Variants in TGFBR1 observed in about 807,000 individuals in gnomAD.
The protein encoded by TGFBR1 is transforming growth factor beta receptor 1, also known as TGF-beta receptor type-1.
TGFBR1 carries 20 observed loss-of-function variants against 55.1 expected under a neutral mutation model. The ratio of observed to expected loss-of-function variants is 0.36; its 90% CI spans 0.26 to 0.53. TGFBR1 has a LOEUF of 0.53. TGFBR1 is among the 20% of genes least tolerant of loss of function. The pLI, the probability that TGFBR1 is intolerant of heterozygous loss-of-function variation, is 0.91. For missense variants in TGFBR1, 385 were observed against 617.6 expected, an observed-to-expected ratio of 0.62 and a Z score of 3.99; for synonymous variants, 220 against 214.8, an observed-to-expected ratio of 1.02 and a Z score of -0.21.
chr9:99,107,900 G>C (rs1826459474), intron 1 of TGFBR1, among the ~76,000 whole-genome samples: 1 of 152,180 alleles, frequency 6.6e-6, no homozygotes, highest in South Asian at 2.1e-4. Flanking sequence ...TCTCAGCCCT[G>C]ACTTCCTGTG....
At chr9:99,107,743 T>C (rs554636048) in intron 1 of TGFBR1, among the ~76,000 whole-genome samples, 82 of 152,372 alleles carry the variant, frequency 5.4e-4, no homozygotes, top group South Asian at 2.7e-3. Flanking sequence ...CAGCTTATGA[T>C]TGGGGCCATC....
intron 6 of TGFBR1, 102 bp downstream of exon 6, chr9:99,144,990 C>T: frequency 1.5e-6 from 2 of 1,340,192 alleles, no homozygotes; most frequent in Non-Finnish European, 2.1e-6. Flanking sequence ...TAAACTTGCA[C>T]TTTATTAGAT....
chr9:99,121,804 A>T (rs1316135068), intron 1 of TGFBR1, among the ~76,000 whole-genome samples: 1 of 152,130 alleles, frequency 6.6e-6, no homozygotes, highest in Admixed American at 6.5e-5. Context: ...AAGGGTCATC[A>T]CCAGCAAAGT....
At chr9:99,125,215 C>G (rs930957889) in intron 1 of TGFBR1, among the ~76,000 whole-genome samples, 1 of 152,154 alleles carries the variant, frequency 6.6e-6, no homozygotes, top group African/African-American at 2.4e-5. Flanking sequence ...ACTTCAAGGC[C>G]TTGTTGGTAA....
At chr9:99,128,600 G>T in intron 1 of TGFBR1, 1 of 580,780 alleles carries the variant, frequency 1.7e-6, no homozygotes. Context: ...TTCTATACTT[G>T]GAAGCAAAAA....
chr9:99,104,897 G>A (rs1356807626), upstream of TGFBR1, among the ~76,000 whole-genome samples: 1 of 151,916 alleles, frequency 6.6e-6, no homozygotes, highest in East Asian at 1.9e-4. Context: ...GGCCGGGGCT[G>A]GGGTCTGGCG....
chr9:99,126,680 C>G (rs1002742945), intron 1 of TGFBR1, among the ~76,000 whole-genome samples: 4 of 152,164 alleles, frequency 2.6e-5, no homozygotes, highest in African/African-American at 9.7e-5. Flanking sequence ...ATTCATGTAC[C>G]TCTGAAGCCA....
At chr9:99,104,882 G>T (rs904195255), upstream of TGFBR1, among the ~76,000 whole-genome samples, 8 of 152,044 alleles carry the variant, frequency 5.3e-5, no homozygotes, top group African/African-American at 1.7e-4. Flanking sequence ...GCCGGGAGCC[G>T]ATCGGGCCGG....
chr9:99,150,561 G>A lies in TGFBR1; in HGVS notation c.*1256G>A, dbSNP rs891836898. ...ATTTGTTATGTATGTAGGAGTAAAC[G>A]TTCGGTGGATCCTCTGTCTTTGTAA... On this transcript the variant is annotated 3_prime_UTR_variant, in exon 9 of 9. Transcript: ENST00000374994. 9.3e-6 allele frequency: 2 copies of A among 215,562 alleles called. No homozygotes were observed. The highest frequency in any genetic ancestry group is 6.9e-5 in the East Asian group (1 of 14,426). 13.4% of individuals were successfully genotyped at this position (215,562 alleles called of 1,614,324 possible).
At chr9:99,127,403 T>C (rs1827072928) in intron 1 of TGFBR1, among the ~76,000 whole-genome samples, 1 of 152,140 alleles carries the variant, frequency 6.6e-6, no homozygotes. Context: ...CAGTAATAGG[T>C]GTTCACTGTA....
intron 3 of TGFBR1, among the ~76,000 whole-genome samples, chr9:99,136,208 G>C (rs1227022051): frequency 2.0e-5 from 3 of 152,120 alleles, no homozygotes; most frequent in African/African-American, 7.2e-5. Context: ...ATCCAATATA[G>C]ATAATACAGT....
chr9:99,130,066 C>T (rs1807166765), intron 2 of TGFBR1, among the ~76,000 whole-genome samples: 1 of 152,150 alleles, frequency 6.6e-6, no homozygotes, highest in Non-Finnish European at 1.5e-5. Context: ...AAAATGAGGG[C>T]AACCTGTATT....
chr9:99,136,852 AC>A (rs991037160), intron 3 of TGFBR1, among the ~76,000 whole-genome samples: 2 of 152,044 alleles, frequency 1.3e-5, no homozygotes, highest in African/African-American at 2.4e-5. Flanking sequence ...TATAAATGAC[AC>A]CAATTTATAT....
chr9:99,105,135 G>C lies in TGFBR1; in HGVS notation c.-71G>C. 9.4e-7 allele frequency: 1 copy of C among 1,065,476 alleles called. No individual in the cohort carries two copies. Among genetic ancestry groups the C allele is most frequent in the Non-Finnish European group, 1.1e-6 (1 of 878,018 alleles). 66.0% of individuals were successfully genotyped at this position (1,065,476 alleles called of 1,614,324 possible). A position where few individuals can be genotyped will look rare whatever the true frequency, so the allele number is the denominator to read the frequency against. The stretch of plus-strand genomic sequence containing the variant: ...CGCGGCGGCTAGGGAGGTGGGGCGA[G>C]GCGAGGTTTGCTGGGGTGAGGCAGC... On this transcript the variant is annotated 5_prime_UTR_variant, in exon 1 of 9. Coordinates refer to ENST00000374994, the MANE Select transcript of TGFBR1 (RefSeq NM_004612.4).
chr9:99,109,420 A>C (rs571069669), intron 1 of TGFBR1, among the ~76,000 whole-genome samples: 2 of 152,312 alleles, frequency 1.3e-5, no homozygotes, highest in African/African-American at 4.8e-5. Flanking sequence ...ACATAAAAAT[A>C]ATCAAGAGGA....
Position 99,146,473 on chromosome 9 carries a change from A to C in TGFBR1, c.1131-12A>C. The C allele has an allele frequency of 1.2e-6, 2 of 1,613,774 alleles. No individual in the cohort carries two copies. The highest frequency in any genetic ancestry group is 1.3e-5 in the African/African-American group (1 of 75,004). ...GATGATTTTCAAAGTTCTTTTTGCA[A>C]ATTTTTTTTAGGTACATGGCCCCTG... is the stretch of plus-strand genomic sequence containing the variant. On this transcript the variant is annotated splice_polypyrimidine_tract_variant and intron_variant, in intron 6 of 8. Transcript: ENST00000374994.
At chr9:99,137,081 G>A (rs2118696028) in intron 3 of TGFBR1, among the ~76,000 whole-genome samples, 1 of 152,288 alleles carries the variant, frequency 6.6e-6, no homozygotes, top group Admixed American at 6.5e-5. Flanking sequence ...ATATTTTGGA[G>A]AAAGCCAAGT....
At chr9:99,143,096 A>G (rs527850941) in intron 5 of TGFBR1, among the ~76,000 whole-genome samples, 3 of 152,318 alleles carry the variant, frequency 2.0e-5, no homozygotes, top group South Asian at 2.1e-4. Context: ...AGGTGGCCTA[A>G]CTGGAGATAT....
intron 1 of TGFBR1, among the ~76,000 whole-genome samples, chr9:99,119,137 A>G (rs1159364175): frequency 6.6e-6 from 1 of 152,146 alleles, no homozygotes; most frequent in African/African-American, 2.4e-5. Flanking sequence ...TAAAATTACT[A>G]ACTGCCCAGG....
Sources: allele counts gnomAD v4.1 joint callset (sites outside exome capture counted in the v4.1 genomes callset), GRCh38; gene constraint gnomAD v4.1.1; transcripts MANE v1.5; gene names NCBI Gene and HGNC (gene_info 2026-07-23, HGNC 2026-07-21).